Variants in SLC25A16 observed in about 807,000 individuals in gnomAD.
The protein encoded by SLC25A16 is solute carrier family 25 member 16.
A neutral mutation model predicts 41.5 loss-of-function variants in SLC25A16; 39 were observed. The observed-to-expected ratio is 0.94, with a 90% CI of 0.73 to 1.23. SLC25A16 has a LOEUF of 1.23. Ranked by LOEUF, SLC25A16 falls within the 50% of genes most tolerant of loss-of-function variation. The probability of loss-of-function intolerance (pLI) is 0.00; values close to 1 mark genes in which losing one functional copy is unlikely to be tolerated. For synonymous variants in SLC25A16, 146 were observed against 147.8 expected (o/e 0.99, Z 0.09); for missense variants, 421 against 426.9 (o/e 0.99, Z 0.12).
At position 68,488,587 on chromosome 10, in the gene SLC25A16, AGCCCAACACTCTTCAAG is replaced by A; in HGVS notation, c.636_652del (p.Leu213PhefsTer16). 2 of 1,612,066 alleles carry A rather than the reference AGCCCAACACTCTTCAAG, an allele frequency of 1.2e-6. No individual in the cohort carries two copies. The highest frequency in any genetic ancestry group is 1.7e-6 in the Non-Finnish European group (2 of 1,179,590). Reference sequence around the variant, plus strand: ...GCCAAGAAGGGTAGGAGCATGGGAAAGCCCAACACTCTTCAAGGTACCAAAAGTAAAAAATGAAACAC... The same window carrying A: ...GCCAAGAAGGGTAGGAGCATGGGAAAGTACCAAAAGTAAAAAATGAAACAC... On this transcript the variant is annotated frameshift_variant, in exon 7 of 9. Transcript: ENST00000609923. LOFTEE classifies it high-confidence loss of function.
rs1168808208 is a variant in SLC25A16, at chr10:68,487,229, G to A, written c.774-17C>T. 2 of 1,609,216 alleles carry A rather than the reference G, an allele frequency of 1.2e-6. No individual in the cohort carries two copies. The highest frequency in any genetic ancestry group is 4.5e-5 in the East Asian group (2 of 44,824). On this transcript the variant is annotated splice_polypyrimidine_tract_variant and intron_variant, in intron 7 of 8. Coordinates refer to ENST00000609923, the MANE Select transcript of SLC25A16 (RefSeq NM_152707.4). ...AATGGGTAGCTAAAAGAAGAAAAAG[G>A]CATAAAGAATTAAAAATTTTTGGTT...
chr10:68,493,781 T>C (rs542603627), intron 4 of SLC25A16, among the ~76,000 whole-genome samples: 58 of 152,342 alleles, frequency 3.8e-4, no homozygotes, highest in South Asian at 3.7e-3. Context: ...CAAGTTCTTC[T>C]CACTGTGAAG....
At chr10:68,489,359 T>C (rs2052618915) in intron 6 of SLC25A16, among the ~76,000 whole-genome samples, 1 of 152,200 alleles carries the variant, frequency 6.6e-6, no homozygotes, top group African/African-American at 2.4e-5. Flanking sequence ...ATTTTTATTT[T>C]AACTAAGTGT....
At position 68,483,149 on chromosome 10, in the gene SLC25A16, G is replaced by A. The variant is rs749852857; in HGVS notation, c.*283C>T. 10 of 226,152 alleles carry A rather than the reference G, an allele frequency of 4.4e-5. No individual in the cohort carries two copies. Among genetic ancestry groups the A allele is most frequent in the African/African-American group, 1.8e-4 (8 of 44,322 alleles). 14.0% of individuals were successfully genotyped at this position (226,152 alleles called of 1,614,324 possible). ...AGCTAATGGCAACCTCTTGAACCCC[G>A]TTTTAAAGCTAGTTCTACTTCCAAA... On this transcript the variant is annotated 3_prime_UTR_variant, in exon 9 of 9. Transcript: ENST00000609923.
intron 1 of SLC25A16, among the ~76,000 whole-genome samples, chr10:68,522,278 A>G (rs566082524): frequency 3.9e-5 from 6 of 152,342 alleles, no homozygotes; most frequent in South Asian, 2.1e-4. Context: ...GCTACATACT[A>G]TATGACCCGA....
chr10:68,489,731 T>A (rs2052625072), intron 6 of SLC25A16, among the ~76,000 whole-genome samples: 1 of 151,922 alleles, frequency 6.6e-6, no homozygotes, highest in South Asian at 2.1e-4. Flanking sequence ...TGAAACCCTG[T>A]CTCTACAAAA....
At chr10:68,486,237 A>ACAAAC (rs1385300949) in intron 8 of SLC25A16, among the ~76,000 whole-genome samples, 134 of 149,170 alleles carry the variant, frequency 9.0e-4, no homozygotes, top group African/African-American at 3.2e-3. Context: ...AAAACAAAAA[A>ACAAAC]AAAAAAAAAA....
In SLC25A16 at chr10:68,482,678, C is replaced by T. The variant is rs1382287497; in HGVS notation, c.*754G>A. 2 of 152,024 alleles carry T rather than the reference C, an allele frequency of 1.3e-5. No homozygotes were observed. Among genetic ancestry groups the T allele is most frequent in the East Asian group, 3.9e-4 (2 of 5,194 alleles). The allele number at this position is 152,024 out of a possible 1,614,324, so 9.4% of individuals were successfully genotyped here. A position where few individuals can be genotyped will look rare whatever the true frequency, so the allele number is the denominator to read the frequency against. The stretch of plus-strand genomic sequence containing the variant: ...AACACATGTAAGTCACTCATAGTAC[C>T]TCATAATAACATTTGAGCAAGACTT... On this transcript the variant is annotated 3_prime_UTR_variant, in exon 9 of 9. Coordinates refer to ENST00000609923, the MANE Select transcript of SLC25A16 (RefSeq NM_152707.4).
At chr10:68,507,070 C>CTTTTTT (rs71019019) in intron 2 of SLC25A16, among the ~76,000 whole-genome samples, 22 of 115,596 alleles carry the variant, frequency 1.9e-4, no homozygotes, top group African/African-American at 4.2e-4. Flanking sequence ...ATGACCTACT[C>CTTTTTT]TTTTTTTTTT....
At chr10:68,492,777 T>C (rs1470679590) in intron 6 of SLC25A16, among the ~76,000 whole-genome samples, 1 of 152,196 alleles carries the variant, frequency 6.6e-6, no homozygotes, top group African/African-American at 2.4e-5. Context: ...CTTTTCTATA[T>C]TTTCAAAATT....
At chr10:68,510,137 T>C (rs1205770361) in intron 2 of SLC25A16, among the ~76,000 whole-genome samples, 1 of 152,042 alleles carries the variant, frequency 6.6e-6, no homozygotes, top group African/African-American at 2.4e-5. Flanking sequence ...TTTGATGCCT[T>C]GGAAGTAATG....
At chr10:68,505,685 G>A (rs1050821113) in intron 3 of SLC25A16, among the ~76,000 whole-genome samples, 2 of 152,196 alleles carry the variant, frequency 1.3e-5, no homozygotes, top group Admixed American at 1.3e-4. Flanking sequence ...AGTGAGCCAA[G>A]ATCATGTCAT....
rs2052502462 is a variant in SLC25A16, at chr10:68,482,988, T to C, written c.*444A>G. 1 of 152,374 alleles carries C rather than the reference T, an allele frequency of 6.6e-6. No homozygotes were observed. Among genetic ancestry groups the C allele is most frequent in the Non-Finnish European group, 1.5e-5 (1 of 68,156 alleles). 9.4% of individuals were successfully genotyped at this position (152,374 alleles called of 1,614,324 possible). A position where few individuals can be genotyped will look rare whatever the true frequency, so the allele number is the denominator to read the frequency against. On this transcript the variant is annotated 3_prime_UTR_variant, in exon 9 of 9. Transcript: ENST00000609923. ...ACAAAAATAAAATGTCAATGCTGGC[T>C]GTTTCATAGAACTTAAAAATTCAAT...
At chr10:68,521,667 C>T (rs2053252733) in intron 1 of SLC25A16, among the ~76,000 whole-genome samples, 1 of 146,980 alleles carries the variant, frequency 6.8e-6, no homozygotes, top group South Asian at 2.2e-4. Context: ...GATCTCGGCT[C>T]ACTGCAAGCT....
At chr10:68,512,026 T>A (rs754126513) in intron 2 of SLC25A16, among the ~76,000 whole-genome samples, 10 of 152,084 alleles carry the variant, frequency 6.6e-5, no homozygotes, top group Non-Finnish European at 8.8e-5. Context: ...CTGGATAATT[T>A]TTGTATTTTT....
intron 4 of SLC25A16, among the ~76,000 whole-genome samples, chr10:68,499,059 T>G (rs1332725081): frequency 6.6e-6 from 1 of 152,150 alleles, no homozygotes; most frequent in East Asian, 1.9e-4. Context: ...TTTACAGCAA[T>G]TCTTTATGCT....
rs2052482913 is a variant in SLC25A16 at position 68,481,474 on chromosome 10, T to C, written c.*1958A>G. On this transcript the variant is annotated 3_prime_UTR_variant, in exon 9 of 9. Transcript: ENST00000609923. ...CACTTTCAACTTAGTTTTCCTTCTT[T>C]TGTTTGAAAGAAACGGGGTCTCACT... 1 of 152,114 alleles carries C rather than the reference T, an allele frequency of 6.6e-6. No individual in the cohort carries two copies. The highest frequency in any genetic ancestry group is 1.5e-5 in the Non-Finnish European group (1 of 68,028). 9.4% of individuals were successfully genotyped at this position (152,114 alleles called of 1,614,324 possible).
rs1484936412 is a variant in SLC25A16, at chr10:68,479,992, C to CA, written c.*3439dup. ...CACCACTGCACTCCAGCTTGGGTGACAGAGTTAAGACTCTCGTTAAAAAAA... is the reference window on the plus strand; with the variant it reads ...CACCACTGCACTCCAGCTTGGGTGACAAGAGTTAAGACTCTCGTTAAAAAAA... On this transcript the variant is annotated 3_prime_UTR_variant, in exon 9 of 9. Transcript: ENST00000609923. 6.8e-6 allele frequency: 1 copy of CA among 146,108 alleles called. No individual in the cohort carries two copies. Among genetic ancestry groups the CA allele is most frequent in the Non-Finnish European group, 1.5e-5 (1 of 67,204 alleles). The allele number at this position is 146,108 out of a possible 1,614,324, so 9.1% of individuals were successfully genotyped here.
chr10:68,494,452 T>C (rs1052219236), intron 4 of SLC25A16, among the ~76,000 whole-genome samples: 1 of 119,108 alleles, frequency 8.4e-6, no homozygotes, highest in African/African-American at 3.3e-5. Context: ...CAGAGTGAGA[T>C]TCCAGGAAAG....
Sources: gnomAD v4.1 joint callset for allele counts (sites outside exome capture counted in the v4.1 genomes callset) on GRCh38, gnomAD v4.1.1 for gene constraint, MANE v1.5 for transcripts, NCBI Gene and HGNC (gene_info 2026-07-23, HGNC 2026-07-21) for gene names.